TMEM232: variants seen among roughly 807,000 people sequenced by gnomAD.
The protein encoded by TMEM232 is transmembrane protein 232.
In TMEM232, 80 loss-of-function variants were observed where a neutral mutation model predicts 78.8. The observed-to-expected ratio is 1.01, with a 90% CI of 0.85 to 1.22. TMEM232 has a LOEUF of 1.22. TMEM232 is among the 50% of genes most tolerant of loss of function. The pLI is 0.00. For missense variants in TMEM232, 881 were observed against 742.2 expected (o/e 1.19, Z -2.17); for synonymous variants, 297 against 254.3 (o/e 1.17, Z -1.60).
intron 1 of TMEM232, among the ~76,000 whole-genome samples, chr5:110,711,688 G>C (rs1796496627): frequency 6.6e-6 from 1 of 152,138 alleles, no homozygotes; most frequent in African/African-American, 2.4e-5. Context: ...CTGGGTAAAA[G>C]ACAGTCTCTT....
Position 110,424,788 on chromosome 5 carries a change from GC to G in TMEM232, c.1797+34del, listed in dbSNP as rs746746831. The stretch of plus-strand genomic sequence containing the variant: ...ATTTAAAGTGCTTTTAAGGAACAAA[GC>G]TTTTGCTGCTAGTTAAAAAAAAATC... On this transcript the variant is annotated intron_variant, in intron 13 of 13. Transcript: ENST00000455884. The G allele has an allele frequency of 2.0e-6, 3 of 1,465,968 alleles. No individual in the cohort carries two copies. In the African/African-American group the frequency reaches 4.3e-5, roughly 21 times the overall value. The allele number at this position is 1,465,968 out of a possible 1,614,324, so 90.8% of individuals were successfully genotyped here.
chr5:110,525,972 A>G lies in TMEM232; in HGVS notation c.1703+2616T>C, dbSNP rs1024260159. On this transcript the variant is annotated intron_variant, in intron 12 of 13. Transcript: ENST00000455884. Reference sequence around the variant, plus strand: ...TAAGGGAAGATGGATGACGCAATAAATATTTTTGAGACAAGTGAATAGGCA... The same window carrying G: ...TAAGGGAAGATGGATGACGCAATAAGTATTTTTGAGACAAGTGAATAGGCA... 6.1e-5 allele frequency among the ~76,000 whole-genome samples: 9 copies of G among 146,738 alleles called. No homozygotes were observed. The Admixed American group carries it at 6.2e-4, about 10-fold the overall frequency.
chr5:110,422,001 C>T (rs1001220585), intron 13 of TMEM232, among the ~76,000 whole-genome samples: 1 of 152,072 alleles, frequency 6.6e-6, no homozygotes, highest in Non-Finnish European at 1.5e-5. Context: ...TAAGGCAAAA[C>T]CTCCAGAATA....
intron 12 of TMEM232, among the ~76,000 whole-genome samples, chr5:110,476,452 A>C (rs405773): frequency 0.16 from 24,215 of 151,944 alleles, 5,049 homozygotes; most frequent in African/African-American, 0.49. Flanking sequence ...AACTTCCAGC[A>C]TCTGGAACCA....
chr5:110,721,358 T>C (rs1227507138), intron 1 of TMEM232, among the ~76,000 whole-genome samples: 2 of 151,974 alleles, frequency 1.3e-5, no homozygotes, highest in African/African-American at 4.8e-5. Flanking sequence ...GAAGTGGTTC[T>C]ATCATGGGCA....
rs78304286 is a variant in TMEM232, at chr5:110,451,188, C to T, written c.1704-26272G>A. Among the ~76,000 whole-genome samples the T allele has an allele frequency of 2.0e-4, 31 of 152,218 alleles. No homozygotes were observed. The East Asian group carries it at 5.8e-3, about 28-fold the overall frequency. ...TCATCTTCTCTGTTTCCTCAGCACC[C>T]TGTATCCAACTGTGTTACAGAAGCA... On this transcript the variant is annotated intron_variant, in intron 12 of 13. Transcript: ENST00000455884.
intron 12 of TMEM232, among the ~76,000 whole-genome samples, chr5:110,518,179 C>T (rs1227726830): frequency 6.6e-6 from 1 of 151,962 alleles, no homozygotes; most frequent in South Asian, 2.1e-4. Flanking sequence ...TGTGTCCCAG[C>T]AGGCACTATT....
At chr5:110,670,737 T>C (rs528096702) in intron 1 of TMEM232, among the ~76,000 whole-genome samples, 30 of 152,234 alleles carry the variant, frequency 2.0e-4, no homozygotes, top group Admixed American at 1.8e-3. Context: ...TTTTCAGGCA[T>C]TTATTTTTCT....
chr5:110,527,083 C>T lies in TMEM232; in HGVS notation c.1703+1505G>A, dbSNP rs558046167. Among the ~76,000 whole-genome samples the T allele has an allele frequency of 1.1e-4, 16 of 151,510 alleles. No homozygotes were observed. In the South Asian group the frequency reaches 1.2e-3, roughly 12 times the overall value. Reference sequence around the variant, plus strand: ...CACAAGAAATTACTGATGTTATTACCGAGGATAGGGAGGGATGGGGGGTAA... The same window carrying T: ...CACAAGAAATTACTGATGTTATTACTGAGGATAGGGAGGGATGGGGGGTAA... On this transcript the variant is annotated intron_variant, in intron 12 of 13. Coordinates refer to ENST00000455884, the MANE Select transcript of TMEM232 (RefSeq NM_001039763.4).
At chr5:110,567,975 A>G (rs1776531105) in intron 11 of TMEM232, among the ~76,000 whole-genome samples, 1 of 151,992 alleles carries the variant, frequency 6.6e-6, no homozygotes, top group Admixed American at 6.6e-5. Flanking sequence ...AAGTGCCCCT[A>G]TGCAGCTCCT....
intron 8 of TMEM232, among the ~76,000 whole-genome samples, chr5:110,615,966 A>G (rs1355605591): frequency 6.6e-6 from 1 of 152,050 alleles, no homozygotes; most frequent in Non-Finnish European, 1.5e-5. Context: ...CATGGATAGG[A>G]AAAATTAATA....
intron 7 of TMEM232, among the ~76,000 whole-genome samples, chr5:110,619,484 A>G (rs1783363276): frequency 6.6e-6 from 1 of 152,186 alleles, no homozygotes. Context: ...GATTCTGGAG[A>G]TAAAGACATG....
chr5:110,506,176 C>T (rs1446530050), intron 12 of TMEM232, among the ~76,000 whole-genome samples: 2 of 152,152 alleles, frequency 1.3e-5, no homozygotes, highest in Non-Finnish European at 2.9e-5. Flanking sequence ...GCATACCTTA[C>T]GGATAAAAGT....
chr5:110,602,296 G>A (rs1781011628), intron 10 of TMEM232, among the ~76,000 whole-genome samples: 1 of 152,094 alleles, frequency 6.6e-6, no homozygotes, highest in Non-Finnish European at 1.5e-5. Flanking sequence ...ATTGACAAAT[G>A]GGATCTAATT....
chr5:110,593,404 G>A (rs1012459112), intron 10 of TMEM232, among the ~76,000 whole-genome samples: 3 of 152,162 alleles, frequency 2.0e-5, no homozygotes, highest in African/African-American at 7.2e-5. Flanking sequence ...GATTAACAAT[G>A]AGTACATGAA....
intron 1 of TMEM232, among the ~76,000 whole-genome samples, chr5:110,681,535 C>T (rs958782713): frequency 1.3e-5 from 2 of 152,110 alleles, no homozygotes; most frequent in Admixed American, 1.3e-4. Flanking sequence ...TGAATGATAG[C>T]CATTTAATAG....
chr5:110,627,425 G>A (rs1379536195), intron 6 of TMEM232, among the ~76,000 whole-genome samples: 1 of 152,034 alleles, frequency 6.6e-6, no homozygotes, highest in East Asian at 1.9e-4. Context: ...GATGGGGAAG[G>A]GGGAGATATC....
At chr5:110,624,844 G>C (rs1784209149) in intron 7 of TMEM232, among the ~76,000 whole-genome samples, 2 of 151,858 alleles carry the variant, frequency 1.3e-5, no homozygotes, top group Admixed American at 6.6e-5. Context: ...AATTTCCTTA[G>C]GTGTTTCAAC....
chr5:110,690,786 A>G (rs1227125467), intron 1 of TMEM232, among the ~76,000 whole-genome samples: 1 of 152,216 alleles, frequency 6.6e-6, no homozygotes, highest in Non-Finnish European at 1.5e-5. Flanking sequence ...ATGGAATACT[A>G]TGCAGCCATT....
Sources: gnomAD v4.1 joint callset for allele counts (sites outside exome capture counted in the v4.1 genomes callset) on GRCh38, gnomAD v4.1.1 for gene constraint, MANE v1.5 for transcripts, NCBI Gene and HGNC (gene_info 2026-07-23, HGNC 2026-07-21) for gene names.